Variants in ELL observed in about 807,000 individuals in gnomAD.
ELL encodes the protein elongation factor for RNA polymerase II, also known as RNA polymerase II elongation factor ELL.
Under a neutral mutation model 64.0 loss-of-function variants are expected in ELL, and 18 were observed. The ratio of observed to expected loss-of-function variants is 0.28; its 90% confidence interval spans 0.19 to 0.42. The LOEUF is 0.42. Ranked by LOEUF, ELL falls within the 10% of genes least tolerant of loss-of-function variation. The probability of loss-of-function intolerance (pLI) is 1.00; values close to 1 mark genes in which losing one functional copy is unlikely to be tolerated. For synonymous variants in ELL, 399 were observed against 376.2 expected (o/e 1.06, Z -0.70); for missense variants, 797 against 870.4 (o/e 0.92, Z 1.06).
rs1449825665 is a variant in ELL at position 18,501,063 on chromosome 19, C to T, written c.135+20858G>A. Among the ~76,000 whole-genome samples, 1 of 152,066 alleles carries T rather than the reference C, an allele frequency of 6.6e-6. No homozygotes were observed. Among genetic ancestry groups the T allele is most frequent in the African/African-American group, 2.4e-5 (1 of 41,412 alleles). ...AAACTCACAGCAGGAGAGGCAATGC[C>T]GTCCCATCCCAAGCATGTGGGCGCA... On this transcript the variant is annotated intron_variant, in intron 1 of 11. Coordinates refer to ENST00000262809, the MANE Select transcript of ELL (RefSeq NM_006532.4). This position sits in a 1 kb window ranked among gnomAD's most constrained non-coding sequence, Gnocchi z 4.5.
Position 18,472,886 on chromosome 19 carries a change from T to TAA in ELL, c.136-6_136-5dup, listed in dbSNP as rs748950436. 17,416 of 1,195,568 alleles carry TAA rather than the reference T, an allele frequency of 0.015. 4 individuals are homozygous for TAA. The highest frequency in any genetic ancestry group is 0.05 in the South Asian group (2,669 of 53,370). The allele number at this position is 1,195,568 out of a possible 1,614,324, so 74.1% of individuals were successfully genotyped here. On this transcript the variant is annotated splice_region_variant and splice_polypyrimidine_tract_variant and intron_variant, in intron 1 of 11. Coordinates refer to ENST00000262809, the MANE Select transcript of ELL (RefSeq NM_006532.4). The stretch of plus-strand genomic sequence containing the variant: ...ATGGCCTCAGTGAAACAGAATCCTA[T>TAA]AAAAAAAAAAAAAAAAAAAAAAAGG...
intron 4 of ELL, among the ~76,000 whole-genome samples, chr19:18,462,204 GTGTGTGTGTGTGTGTGTA>G (rs770821681): frequency 0.012 from 1,462 of 126,752 alleles, 27 homozygotes; most frequent in African/African-American, 0.047. Flanking sequence ...GTGTGTGTGT[GTGTGTGTGTGTGTGTGTA>G]TGTAATCACC....
chr19:18,472,995 CA>C, intron 1 of ELL, 113 bp from the exon 2 acceptor site: 1 of 1,276,418 alleles, frequency 7.8e-7, no homozygotes, highest in Non-Finnish European at 1.1e-6. Context: ...ATGGTGTTCT[CA>C]GGAGAGGGGA....
chr19:18,517,843 C>T (rs937583814), intron 1 of ELL, among the ~76,000 whole-genome samples: 3 of 146,538 alleles, frequency 2.0e-5, no homozygotes, highest in African/African-American at 7.6e-5. Context: ...GCTATGATCA[C>T]ACCACTGTAC....
Position 18,461,695 on chromosome 19 carries a change from G to A in ELL, c.627C>T (p.Asp209=), listed in dbSNP as rs1332539242. 1 of 1,613,576 alleles carries A rather than the reference G, an allele frequency of 6.2e-7. No individual in the cohort carries two copies. Among genetic ancestry groups the A allele is most frequent in the East Asian group, 2.2e-5 (1 of 44,888 alleles). ...GSGVSQRPFR[D]RVLHLLALRP... ...GTAGTGCCAGGAGGTGCAGCACTCG[G>A]TCACGGAAGGGCCTCTGGGACACCC... Residue 209 remains aspartate, a synonymous_variant, in exon 5 of 12, where the codon GAC becomes GAT. Transcript: ENST00000262809.
chr19:18,512,414 G>A (rs1048389495), intron 1 of ELL, among the ~76,000 whole-genome samples: 1 of 152,154 alleles, frequency 6.6e-6, no homozygotes. Flanking sequence ...AAGGCGGGCA[G>A]GTCGCTTCAG....
chr19:18,499,525 G>C (rs1010461115), intron 1 of ELL, among the ~76,000 whole-genome samples: 1 of 152,220 alleles, frequency 6.6e-6, no homozygotes, highest in Non-Finnish European at 1.5e-5. Flanking sequence ...CACGAGGAAG[G>C]GGGCAAGGTC....
At chr19:18,516,232 C>T (rs1600511315) in intron 1 of ELL, among the ~76,000 whole-genome samples, 1 of 152,282 alleles carries the variant, frequency 6.6e-6, no homozygotes, top group South Asian at 2.1e-4. Context: ...GCCCCCAGCA[C>T]AGCTCCAGGG....
chr19:18,454,061 T>C (rs1036335404), intron 6 of ELL, among the ~76,000 whole-genome samples: 11 of 152,120 alleles, frequency 7.2e-5, no homozygotes, highest in African/African-American at 9.7e-5. Flanking sequence ...GGTTTCCTTT[T>C]GGGGAAATGA....
intron 1 of ELL, among the ~76,000 whole-genome samples, chr19:18,486,669 C>T (rs1017236495): frequency 1.1e-4 from 16 of 152,188 alleles, no homozygotes; most frequent in African/African-American, 3.1e-4. Context: ...CGGCTCTTAC[C>T]GCCTCATCTC....
intron 1 of ELL, among the ~76,000 whole-genome samples, chr19:18,518,504 A>T (rs865831552): frequency 6.7e-6 from 1 of 149,612 alleles, no homozygotes; most frequent in Non-Finnish European, 1.5e-5. Flanking sequence ...AAAAAAAAAA[A>T]GGGGGCCCAG....
intron 1 of ELL, among the ~76,000 whole-genome samples, chr19:18,505,120 C>A (rs1327299576): frequency 6.6e-6 from 1 of 152,172 alleles, no homozygotes; most frequent in East Asian, 1.9e-4. Context: ...CTTCTGTGTG[C>A]CAGAGGGCAG....
At position 18,445,281 on chromosome 19, in the gene ELL, CA is replaced by C; in HGVS notation, c.1705-14del. On this transcript the variant is annotated splice_polypyrimidine_tract_variant and intron_variant, in intron 10 of 11. Coordinates refer to ENST00000262809, the MANE Select transcript of ELL (RefSeq NM_006532.4). ...GCCCTCGAGTAGTCTAGAAGAAAAA[CA>C]AAATTTTGAGAAAACAGAATGTGTC... is the stretch of plus-strand genomic sequence containing the variant. 6.6e-7 allele frequency: 1 copy of C among 1,505,286 alleles called. No homozygotes were observed. Among genetic ancestry groups the C allele is most frequent in the Admixed American group, 1.8e-5 (1 of 56,574 alleles). The allele number at this position is 1,505,286 out of a possible 1,614,324, so 93.2% of individuals were successfully genotyped here.
chr19:18,472,744 T>G, intron 2 of ELL, 91 bp downstream of exon 2: 8 of 1,474,828 alleles, frequency 5.4e-6, no homozygotes, highest in Non-Finnish European at 6.5e-6. Flanking sequence ...AACACTGCCA[T>G]GAGCTGCTGC....
intron 1 of ELL, among the ~76,000 whole-genome samples, chr19:18,481,571 T>C (rs1975300499): frequency 6.6e-6 from 1 of 152,112 alleles, no homozygotes; most frequent in Non-Finnish European, 1.5e-5. Flanking sequence ...AACCTCCCCA[T>C]CTCAAGATCC....
intron 1 of ELL, among the ~76,000 whole-genome samples, chr19:18,498,347 T>A (rs1317545463): frequency 6.6e-6 from 1 of 152,128 alleles, no homozygotes; most frequent in Non-Finnish European, 1.5e-5. Context: ...GAGAAGGGCT[T>A]CATAGTAGCA....
chr19:18,489,285 TC>T (rs1975479532), intron 1 of ELL, among the ~76,000 whole-genome samples: 1 of 152,096 alleles, frequency 6.6e-6, no homozygotes, highest in Admixed American at 6.5e-5. Context: ...CTAGCACAAT[TC>T]CAGAAGTTTC....
At chr19:18,462,201 T>C (rs539798372) in intron 4 of ELL, among the ~76,000 whole-genome samples, 1 of 122,802 alleles carries the variant, frequency 8.1e-6, no homozygotes, top group Non-Finnish European at 1.7e-5. Context: ...TGTGTGTGTG[T>C]GTGTGTGTGT....
At chr19:18,518,521 G>A (rs550674401) in intron 1 of ELL, among the ~76,000 whole-genome samples, 11 of 150,470 alleles carry the variant, frequency 7.3e-5, no homozygotes, top group South Asian at 2.1e-4. Flanking sequence ...CCAGCGTGGC[G>A]ACTCAAGCTT....
Sources: allele counts gnomAD v4.1 joint callset (sites outside exome capture counted in the v4.1 genomes callset), GRCh38; gene constraint gnomAD v4.1.1; non-coding constraint Gnocchi (gnomAD v3.1); transcripts MANE v1.5; gene names NCBI Gene and HGNC (gene_info 2026-07-23, HGNC 2026-07-21).